Variants in ANKRD42 observed in about 807,000 individuals in gnomAD.
The protein encoded by ANKRD42 is ankyrin repeat domain 42, also known as ankyrin repeat domain-containing protein 42.
ANKRD42 carries 43 observed loss-of-function variants against 51.5 expected under a neutral mutation model. The observed-to-expected ratio is 0.83, with a 90% CI of 0.65 to 1.08. The LOEUF is 1.08. Ranked by LOEUF, ANKRD42 falls within the 50% of genes least tolerant of loss-of-function variation. The pLI, the probability that ANKRD42 is intolerant of heterozygous loss-of-function variation, is 0.00. For missense variants in ANKRD42, 608 were observed against 629.3 expected (o/e 0.97, Z 0.36); for synonymous variants, 203 against 213.0 (o/e 0.95, Z 0.41).
intron 6 of ANKRD42, among the ~76,000 whole-genome samples, chr11:83,226,834 A>G (rs1862902627): frequency 6.6e-6 from 1 of 152,076 alleles, no homozygotes; most frequent in Admixed American, 6.6e-5. Context: ...CAGTATGACA[A>G]CTATTTACAT....
At chr11:83,222,089 CA>C (rs1192911770) in intron 5 of ANKRD42, among the ~76,000 whole-genome samples, 2 of 152,116 alleles carry the variant, frequency 1.3e-5, no homozygotes, top group African/African-American at 2.4e-5. Context: ...TATGGAAGTC[CA>C]ATTCTCTTAC....
chr11:83,220,897 G>A (rs1196735048), intron 5 of ANKRD42, among the ~76,000 whole-genome samples: 1 of 142,410 alleles, frequency 7.0e-6, no homozygotes, highest in Non-Finnish European at 1.5e-5. Flanking sequence ...TTGGTGTTCT[G>A]AGACCTTACT....
chr11:83,204,756 A>G (rs118059285), intron 2 of ANKRD42, among the ~76,000 whole-genome samples: 2,365 of 152,160 alleles, frequency 0.016, 25 homozygotes, highest in Admixed American at 0.032. Flanking sequence ...AGAGAAGAAA[A>G]CCTTTGCAAA....
At chr11:83,230,456 A>G (rs542078448) in intron 7 of ANKRD42, among the ~76,000 whole-genome samples, 2 of 152,206 alleles carry the variant, frequency 1.3e-5, no homozygotes, top group South Asian at 4.2e-4. Flanking sequence ...TGTGTCCGTG[A>G]GATCAATTGT....
chr11:83,199,624 C>G (rs523414), intron 2 of ANKRD42, among the ~76,000 whole-genome samples: 45,758 of 152,034 alleles, frequency 0.3, 7,888 homozygotes, highest in East Asian at 0.58. Flanking sequence ...CTGTCCAAGG[C>G]TAACTAGCAC....
chr11:83,248,303 ACACACAC>A lies in ANKRD42; in HGVS notation c.*100_*106del. ...ATGACAGGATTAAAGGAATACACAC[ACACACAC>A]ACACACACACACACACACACACACA... On this transcript the variant is annotated 3_prime_UTR_variant, in exon 11 of 11. Coordinates refer to ENST00000533342, the MANE Select transcript of ANKRD42 (RefSeq NM_001300975.2). 1 of 580,160 alleles carries A rather than the reference ACACACAC, an allele frequency of 1.7e-6. No homozygotes were observed. Among genetic ancestry groups the A allele is most frequent in the Non-Finnish European group, 2.3e-6 (1 of 435,664 alleles). The allele number at this position is 580,160 out of a possible 1,614,324, so 35.9% of individuals were successfully genotyped here. A position where few individuals can be genotyped will look rare whatever the true frequency, so the allele number is the denominator to read the frequency against.
chr11:83,213,327 C>G, intron 5 of ANKRD42: 2 of 1,584,048 alleles, frequency 1.3e-6, no homozygotes, highest in Non-Finnish European at 1.7e-6. Context: ...GCAAAGCCAT[C>G]GTGGAAAGAG....
chr11:83,233,436 T>C (rs910378039), intron 7 of ANKRD42, among the ~76,000 whole-genome samples: 10 of 152,148 alleles, frequency 6.6e-5, no homozygotes, highest in Non-Finnish European at 1.3e-4. Flanking sequence ...TAATGTCTCA[T>C]TTTCATTTCT....
chr11:83,204,956 T>TGA (rs1351784627), intron 2 of ANKRD42, among the ~76,000 whole-genome samples: 2 of 151,964 alleles, frequency 1.3e-5, no homozygotes, highest in Non-Finnish European at 2.9e-5. Flanking sequence ...AAGACCACAA[T>TGA]GAGATACCTG....
chr11:83,224,994 G>T lies in ANKRD42; in HGVS notation c.726G>T (p.Gln242His), dbSNP rs1862831296. Residue 242 changes from glutamine (Q) to histidine (H), a missense_variant, in exon 6 of 11, where the codon CAG becomes CAT. Coordinates refer to ENST00000533342, the MANE Select transcript of ANKRD42 (RefSeq NM_001300975.2). Reference sequence around the variant, plus strand: ...ATTTGGCCCAGAGGTTCTTCAAGCAGAACATTTTACAGTTTATCCAGGGGG... The same window carrying T: ...ATTTGGCCCAGAGGTTCTTCAAGCATAACATTTTACAGTTTATCCAGGGGG... ...VLDLAQRFFK[Q>H]NILQFIQGAE... 3.1e-6 allele frequency: 5 copies of T among 1,613,438 alleles called. No homozygotes were observed. The highest frequency in any genetic ancestry group is 4.2e-6 in the Non-Finnish European group (5 of 1,179,616).
rs1044911103 is a variant in ANKRD42, at chr11:83,205,952, C to T, written c.223-106C>T. 207 of 867,858 alleles carry T rather than the reference C, an allele frequency of 2.4e-4. No individual in the cohort carries two copies. The African/African-American group carries it at 3.1e-3, about 13-fold the overall frequency. The allele number at this position is 867,858 out of a possible 1,614,324, so 53.8% of individuals were successfully genotyped here. On this transcript the variant is annotated intron_variant, in intron 2 of 10. Transcript: ENST00000533342. ...GCTTTTGTTTTTCTTATACATGGAT[C>T]TCTCATTCACTACAGTCTGCTATTT...
chr11:83,203,682 G>A (rs1345061063), intron 2 of ANKRD42, among the ~76,000 whole-genome samples: 10 of 151,978 alleles, frequency 6.6e-5, no homozygotes, highest in African/African-American at 1.2e-4. Context: ...ATGAACCACC[G>A]CGTCTGGCCC....
At position 83,210,258 on chromosome 11, in the gene ANKRD42, A is replaced by G. The variant is rs375548952; in HGVS notation, c.331-42A>G. On this transcript the variant is annotated intron_variant, in intron 3 of 10. Coordinates refer to ENST00000533342, the MANE Select transcript of ANKRD42 (RefSeq NM_001300975.2). Reference sequence around the variant, plus strand: ...TCTGCATCTGCATTTATGGTTTAACATCTATACTCATGTAAAGTCTTTCCT... The same window carrying G: ...TCTGCATCTGCATTTATGGTTTAACGTCTATACTCATGTAAAGTCTTTCCT... The G allele has an allele frequency of 1.4e-5, 23 of 1,590,934 alleles. No individual in the cohort carries two copies. In the African/African-American group the frequency reaches 2.3e-4, roughly 16 times the overall value.
At position 83,210,533 on chromosome 11, in the gene ANKRD42, CTAATT is replaced by C. The variant is rs1324140006; in HGVS notation, c.450+121_450+125del. 6 of 1,274,966 alleles carry C rather than the reference CTAATT, an allele frequency of 4.7e-6. No homozygotes were observed. In the Admixed American group the frequency reaches 1.2e-4, roughly 25 times the overall value. The allele number at this position is 1,274,966 out of a possible 1,614,324, so 79.0% of individuals were successfully genotyped here. On this transcript the variant is annotated intron_variant, in intron 4 of 10. Transcript: ENST00000533342. Reference sequence around the variant, plus strand: ...GATCTCTTAATATGACTTTGGGAAACTAATTTAATTTTTCTCTCTAGCTTTTCTAT... The same window carrying C: ...GATCTCTTAATATGACTTTGGGAAACTAATTTTTCTCTCTAGCTTTTCTAT...
downstream of ANKRD42, chr11:83,261,176 C>G (rs1352484846): frequency 6.6e-6 from 1 of 152,188 alleles, no homozygotes; most frequent in African/African-American, 2.4e-5. Context: ...GCAAGATTCT[C>G]CTGCCTCAGC....
At chr11:83,211,896 C>T (rs1364436632) in intron 5 of ANKRD42, among the ~76,000 whole-genome samples, 1 of 152,122 alleles carries the variant, frequency 6.6e-6, no homozygotes, top group Non-Finnish European at 1.5e-5. Flanking sequence ...TTTTATCTTA[C>T]ATCACACCCA....
intron 5 of ANKRD42, among the ~76,000 whole-genome samples, chr11:83,216,213 G>C (rs1471159736): frequency 6.6e-6 from 1 of 152,146 alleles, no homozygotes; most frequent in African/African-American, 2.4e-5. Context: ...TACATTATTG[G>C]AGTATTCTAG....
At chr11:83,231,241 T>TGTAA (rs1863062296) in intron 7 of ANKRD42, among the ~76,000 whole-genome samples, 1 of 152,202 alleles carries the variant, frequency 6.6e-6, no homozygotes, top group African/African-American at 2.4e-5. Flanking sequence ...GTCTTTTGGA[T>TGTAA]GTAAGTCATT....
rs1027392634 is a variant in ANKRD42, at chr11:83,209,334, G to A, written c.331-966G>A. On this transcript the variant is annotated intron_variant, in intron 3 of 10. Coordinates refer to ENST00000533342, the MANE Select transcript of ANKRD42 (RefSeq NM_001300975.2). ...TCTTGAGGCCAAAGTGGGTGGGAGT[G>A]CGTGCTGCTGGGAGTTGCTTGGAGG... 1.3e-5 allele frequency: 14 copies of A among 1,037,868 alleles called. No individual in the cohort carries two copies. The African/African-American group carries it at 2.1e-4, about 15-fold the overall frequency. 64.3% of individuals were successfully genotyped at this position (1,037,868 alleles called of 1,614,324 possible).
Sources: gnomAD v4.1 joint callset for allele counts (sites outside exome capture counted in the v4.1 genomes callset) on GRCh38, gnomAD v4.1.1 for gene constraint, MANE v1.5 for transcripts, NCBI Gene and HGNC (gene_info 2026-07-23, HGNC 2026-07-21) for gene names.